The following PARD3B variants were observed in gnomAD, a reference collection of about 807,000 sequenced individuals.
PARD3B encodes the protein par-3 family cell polarity regulator beta, also known as partitioning defective 3 homolog B.
A neutral mutation model predicts 130.2 loss-of-function variants in PARD3B; 103 were observed. The observed-to-expected ratio is 0.79, with a 90% CI of 0.67 to 0.93. PARD3B has a LOEUF of 0.93. Ranked by LOEUF, PARD3B falls within the 40% of genes least tolerant of loss-of-function variation. PARD3B has a pLI of 0.00. For missense variants in PARD3B, 1,609 were observed against 1,499.2 expected, an observed-to-expected ratio of 1.07 and a Z score of -1.21; for synonymous variants, 583 against 553.2, an observed-to-expected ratio of 1.05 and a Z score of -0.76.
At chr2:204,866,255 C>T (rs1377762961) in intron 2 of PARD3B, among the ~76,000 whole-genome samples, 6 of 152,180 alleles carry the variant, frequency 3.9e-5, no homozygotes, top group African/African-American at 7.2e-5. Context: ...AAATCCATTT[C>T]CACCATTTAT....
intron 2 of PARD3B, among the ~76,000 whole-genome samples, chr2:204,941,693 A>G (rs1402521966): frequency 6.6e-6 from 1 of 152,162 alleles, no homozygotes; most frequent in Admixed American, 6.5e-5. Context: ...CCAGACAGAT[A>G]TATTCTTACT....
chr2:205,000,426 T>C (rs1694737253), intron 3 of PARD3B, among the ~76,000 whole-genome samples: 1 of 152,172 alleles, frequency 6.6e-6, no homozygotes, highest in Admixed American at 6.5e-5. Flanking sequence ...TTCTGGTTTT[T>C]ATTAGATTTC....
At position 205,174,192 on chromosome 2, in the gene PARD3B, T is replaced by G. The variant is rs1921791; in HGVS notation, c.1791+1811T>G. 3.4e-4 allele frequency among the ~76,000 whole-genome samples: 52 copies of G among 152,300 alleles called. 2 individuals carry two copies. The East Asian group carries it at 0.01, about 29-fold the overall frequency. ...TTCATTTTAATTCTCACACTCTGGG[T>G]AGATTGGCGTTATTCCATCAGAAGA... On this transcript the variant is annotated intron_variant, in intron 12 of 22. Coordinates refer to ENST00000406610, the MANE Select transcript of PARD3B (RefSeq NM_001302769.2).
rs370015965 is a variant in PARD3B at position 205,615,466 on chromosome 2, G to A, written c.3271G>A (p.Ala1091Thr). ...TTCTTCTCTTTCCAGGGGAGGACCC[G>A]CAGATCCTGTAGACTATCTGCCAGC... ...QYASLPRGGP[A>T]DPVDYLPAAP... Residue 1091 changes from alanine to threonine, a missense_variant, in exon 23 of 23, where the codon GCA becomes ACA. Coordinates refer to ENST00000406610, the MANE Select transcript of PARD3B (RefSeq NM_001302769.2). The A allele has an allele frequency of 1.1e-5, 18 of 1,597,804 alleles. No homozygotes were observed. Among genetic ancestry groups the A allele is most frequent in the African/African-American group, 1.1e-4 (8 of 74,474 alleles).
In PARD3B at chr2:205,590,477, AT is replaced by A. The variant is rs2106596184; in HGVS notation, c.3261-24978del. The stretch of plus-strand genomic sequence containing the variant: ...CATCTCAGGTTGCTTTTATCGCGGT[AT>A]GTTTTTAACCATACACAATCACTGT... On this transcript the variant is annotated intron_variant, in intron 22 of 22. Coordinates refer to ENST00000406610, the MANE Select transcript of PARD3B (RefSeq NM_001302769.2). The surrounding 1 kb of genome is among the most constrained non-coding windows in gnomAD (Gnocchi z 4.1). Among the ~76,000 whole-genome samples the A allele has an allele frequency of 6.6e-6, 1 of 152,284 alleles. No individual in the cohort carries two copies. Among genetic ancestry groups the A allele is most frequent in the Non-Finnish European group, 1.5e-5 (1 of 68,018 alleles).
At chr2:205,106,191 AG>A (rs1307113381) in intron 5 of PARD3B, among the ~76,000 whole-genome samples, 2 of 152,076 alleles carry the variant, frequency 1.3e-5, no homozygotes, top group Non-Finnish European at 2.9e-5. Context: ...CTTGTTACCC[AG>A]GCTGGAGTGC....
intron 2 of PARD3B, among the ~76,000 whole-genome samples, chr2:204,699,736 A>G (rs2037800355): frequency 6.6e-6 from 1 of 152,154 alleles, no homozygotes; most frequent in South Asian, 2.1e-4. Flanking sequence ...ATCAACACTC[A>G]AACTATTTAC....
intron 2 of PARD3B, among the ~76,000 whole-genome samples, chr2:204,691,300 A>G (rs1269456587): frequency 6.6e-6 from 1 of 152,132 alleles, no homozygotes; most frequent in Non-Finnish European, 1.5e-5. Flanking sequence ...AATTACTGCC[A>G]TGGTTTCATT....
chr2:204,756,445 T>C (rs1364046788), intron 2 of PARD3B, among the ~76,000 whole-genome samples: 1 of 152,180 alleles, frequency 6.6e-6, no homozygotes, highest in Non-Finnish European at 1.5e-5. Flanking sequence ...CATTATTTGA[T>C]TTTCTTTATT....
intron 2 of PARD3B, among the ~76,000 whole-genome samples, chr2:204,856,269 T>C (rs1002913905): frequency 6.6e-6 from 1 of 152,148 alleles, no homozygotes; most frequent in African/African-American, 2.4e-5. Context: ...CTCATTGTGG[T>C]TTTAATTTGT....
chr2:204,922,259 C>G (rs1464006821), intron 2 of PARD3B, among the ~76,000 whole-genome samples: 1 of 151,808 alleles, frequency 6.6e-6, no homozygotes, highest in Non-Finnish European at 1.5e-5. Context: ...AAAAGAGAAG[C>G]AAATAAGCAG....
intron 2 of PARD3B, among the ~76,000 whole-genome samples, chr2:204,961,608 G>T (rs1690753754): frequency 6.6e-6 from 1 of 152,076 alleles, no homozygotes; most frequent in Non-Finnish European, 1.5e-5. Context: ...CCATGAAACA[G>T]ATGATATCAC....
At chr2:204,686,590 T>C (rs1234347808) in intron 2 of PARD3B, among the ~76,000 whole-genome samples, 1 of 152,178 alleles carries the variant, frequency 6.6e-6, no homozygotes, top group Non-Finnish European at 1.5e-5. Flanking sequence ...GCTGGCTCTG[T>C]AGTTTATTCC....
intron 20 of PARD3B, among the ~76,000 whole-genome samples, chr2:205,468,714 C>T (rs1353168630): frequency 6.6e-6 from 1 of 152,170 alleles, no homozygotes; most frequent in Admixed American, 6.6e-5. Flanking sequence ...GTACTTCTCA[C>T]TGTTGGGTCC....
intron 2 of PARD3B, among the ~76,000 whole-genome samples, chr2:204,785,491 C>T (rs1461734927): frequency 6.6e-6 from 1 of 152,148 alleles, no homozygotes; most frequent in Non-Finnish European, 1.5e-5. Flanking sequence ...GAAGTCAAGT[C>T]TCCGTGTCCA....
At chr2:204,889,663 T>C (rs1162124337) in intron 2 of PARD3B, among the ~76,000 whole-genome samples, 4 of 152,238 alleles carry the variant, frequency 2.6e-5, no homozygotes, top group African/African-American at 9.6e-5. Flanking sequence ...AAAAATTGAA[T>C]ATGTGCTGAG....
rs1228235855 is a variant in PARD3B at position 205,021,286 on chromosome 2, C to T, written c.395-26295C>T. The stretch of plus-strand genomic sequence containing the variant: ...TAAAACTCCCTTGAGGATTAGGAAA[C>T]AGATTATAAGTAGCTAGAATGTAAA... On this transcript the variant is annotated intron_variant, in intron 3 of 22. Coordinates refer to ENST00000406610, the MANE Select transcript of PARD3B (RefSeq NM_001302769.2). The surrounding 1 kb of genome is among the most constrained non-coding windows in gnomAD (Gnocchi z 4.5). Among the ~76,000 whole-genome samples, 2 of 152,100 alleles carry T rather than the reference C, an allele frequency of 1.3e-5. No homozygotes were observed. Among genetic ancestry groups the T allele is most frequent in the African/African-American group, 4.8e-5 (2 of 41,414 alleles).
chr2:205,160,685 A>T lies in PARD3B; in HGVS notation c.1620+1778A>T, dbSNP rs773380712. Reference sequence around the variant, plus strand: ...ATAGCAACAACAACAATAGCAATGAACATTTATTGTGCTTAGTATATGCTG... The same window carrying T: ...ATAGCAACAACAACAATAGCAATGATCATTTATTGTGCTTAGTATATGCTG... On this transcript the variant is annotated intron_variant, in intron 11 of 22. Coordinates refer to ENST00000406610, the MANE Select transcript of PARD3B (RefSeq NM_001302769.2). This position sits in a 1 kb window ranked among gnomAD's most constrained non-coding sequence, Gnocchi z 4.0. Among the ~76,000 whole-genome samples the T allele has an allele frequency of 1.3e-5, 2 of 152,216 alleles. No individual in the cohort carries two copies. The highest frequency in any genetic ancestry group is 2.9e-5 in the Non-Finnish European group (2 of 68,032).
Position 205,230,943 on chromosome 2 carries a change from A to G in PARD3B, c.2141-14835A>G, listed in dbSNP as rs997164374. ...CACTGAGTTCCAGTGCAAAGTCTCC[A>G]ATCACTATGCTCTCCCTCCCCAAGG... On this transcript the variant is annotated intron_variant, in intron 15 of 22. Transcript: ENST00000406610. This position sits in a 1 kb window ranked among gnomAD's most constrained non-coding sequence, Gnocchi z 4.1. Among the ~76,000 whole-genome samples the G allele has an allele frequency of 1.3e-5, 2 of 152,016 alleles. No individual in the cohort carries two copies.
Sources: allele counts gnomAD v4.1 joint callset (sites outside exome capture counted in the v4.1 genomes callset), GRCh38; gene constraint gnomAD v4.1.1; non-coding constraint Gnocchi (gnomAD v3.1); transcripts MANE v1.5; gene names NCBI Gene and HGNC (gene_info 2026-07-23, HGNC 2026-07-21).